DNAH7: variants seen among roughly 807,000 people sequenced by gnomAD.
DNAH7 encodes dynein axonemal heavy chain 7, also known as axonemal beta dynein heavy chain 7.
Under a neutral mutation model 444.6 loss-of-function variants are expected in DNAH7, and 397 were observed. The ratio of observed to expected loss-of-function variants is 0.89; its 90% CI spans 0.82 to 0.97. The LOEUF is 0.97. Among genes scored for constraint, DNAH7 ranks in the 50% least tolerant of loss-of-function variants. The pLI is 0.00. For missense variants in DNAH7, 4,902 were observed against 4,800.8 expected, an observed-to-expected ratio of 1.02 and a Z score of -0.62; for synonymous variants, 1,636 against 1,624.4, an observed-to-expected ratio of 1.01 and a Z score of -0.17.
chr2:195,979,156 T>A (rs934002102), intron 15 of DNAH7, among the ~76,000 whole-genome samples: 1 of 152,156 alleles, frequency 6.6e-6, no homozygotes, highest in Non-Finnish European at 1.5e-5. Context: ...TTTCATCCAA[T>A]GGCTGCAAAA....
intron 58 of DNAH7, among the ~76,000 whole-genome samples, chr2:195,780,059 G>A (rs1009213348): frequency 2.6e-5 from 4 of 152,208 alleles, no homozygotes; most frequent in African/African-American, 9.6e-5. Flanking sequence ...ATGCAATGGT[G>A]TTGATTTCTC....
chr2:195,998,350 G>A (rs540848747), intron 12 of DNAH7, among the ~76,000 whole-genome samples: 4 of 152,134 alleles, frequency 2.6e-5, no homozygotes, highest in Admixed American at 2.0e-4. Flanking sequence ...AGAGGTGGGC[G>A]GATCACGAGG....
chr2:196,053,234 G>A (rs186067077), intron 2 of DNAH7, among the ~76,000 whole-genome samples: 14 of 152,340 alleles, frequency 9.2e-5, no homozygotes, highest in Admixed American at 3.3e-4. Context: ...ACAAACTAGA[G>A]CTAGACAAGT....
intron 10 of DNAH7, among the ~76,000 whole-genome samples, chr2:196,002,911 GGAAAGA>G (rs1354041437): frequency 6.6e-6 from 1 of 151,976 alleles, no homozygotes; most frequent in African/African-American, 2.4e-5. Flanking sequence ...GGGAGGCTGA[GGAAAGA>G]GAATTGCTTG....
chr2:195,740,163 C>T (rs562939477), intron 64 of DNAH7, among the ~76,000 whole-genome samples: 27 of 152,068 alleles, frequency 1.8e-4, no homozygotes, highest in Non-Finnish European at 3.2e-4. Context: ...TTTGTATTTT[C>T]AGTAGAGACT....
At chr2:196,008,137 A>G (rs1694497941) in intron 10 of DNAH7, among the ~76,000 whole-genome samples, 1 of 152,100 alleles carries the variant, frequency 6.6e-6, no homozygotes, top group African/African-American at 2.4e-5. Flanking sequence ...TTGAATAGAC[A>G]TTTTCCAAAG....
At chr2:195,754,235 T>G in intron 63 of DNAH7, 102 bp downstream of exon 63, 1 of 1,243,274 alleles carries the variant, frequency 8.0e-7, no homozygotes, top group Non-Finnish European at 1.1e-6. Context: ...TAAATTACAT[T>G]CATGTTTATT....
intron 57 of DNAH7, among the ~76,000 whole-genome samples, chr2:195,788,787 G>C (rs1207394954): frequency 6.6e-6 from 1 of 152,122 alleles, no homozygotes; most frequent in Non-Finnish European, 1.5e-5. Flanking sequence ...TGAAATTGGA[G>C]GTATTAGTAT....
At position 195,755,602 on chromosome 2, in the gene DNAH7, C is replaced by A. The variant is rs1185993968; in HGVS notation, c.11586+531G>T. Among the ~76,000 whole-genome samples, 3 of 152,196 alleles carry A rather than the reference C, an allele frequency of 2.0e-5. No homozygotes were observed. In the East Asian group the frequency reaches 5.8e-4, roughly 29 times the overall value. On this transcript the variant is annotated intron_variant, in intron 62 of 64. Transcript: ENST00000312428. ...ATCCCTGCAGAAATTTCTTCATAGG[C>A]AGCTTTTGACACATTATATACAGAA...
chr2:196,052,803 T>C (rs1461697098), intron 2 of DNAH7, among the ~76,000 whole-genome samples: 2 of 152,168 alleles, frequency 1.3e-5, no homozygotes, highest in Non-Finnish European at 2.9e-5. Context: ...AGCAAAGAGC[T>C]TACTGAAGTC....
At chr2:195,776,286 A>C (rs1212479541) in intron 59 of DNAH7, among the ~76,000 whole-genome samples, 1 of 152,086 alleles carries the variant, frequency 6.6e-6, no homozygotes, top group Non-Finnish European at 1.5e-5. Flanking sequence ...TCTCCTAAAA[A>C]TACAAAATTA....
intron 63 of DNAH7, among the ~76,000 whole-genome samples, chr2:195,744,616 G>C (rs925215274): frequency 1.3e-5 from 2 of 152,200 alleles, no homozygotes; most frequent in African/African-American, 4.8e-5. Flanking sequence ...AGTAGGGGCA[G>C]ACTGACACCT....
chr2:195,954,515 T>A (rs1690500840), intron 19 of DNAH7, among the ~76,000 whole-genome samples: 1 of 152,258 alleles, frequency 6.6e-6, no homozygotes, highest in Admixed American at 6.5e-5. Context: ...TATAGCAGCA[T>A]GATTTATAAT....
chr2:195,805,133 CA>C (rs1696648643), intron 54 of DNAH7, among the ~76,000 whole-genome samples: 1 of 152,124 alleles, frequency 6.6e-6, no homozygotes, highest in Non-Finnish European at 1.5e-5. Flanking sequence ...CATGTATTTT[CA>C]GATTAAAGTG....
In DNAH7 at chr2:195,816,636, C is replaced by A; in HGVS notation, c.9753G>T (p.Leu3251Phe). 6.2e-7 allele frequency: 1 copy of A among 1,602,890 alleles called. No homozygotes were observed. The highest frequency in any genetic ancestry group is 1.1e-5 in the South Asian group (1 of 88,840). ...GTATTTCCTTTACATACCTTTTTGC[C>A]AAAATTTCTGATTTCTCTGAATTTT... Reference protein sequence around the residue: ...SIENSEKSEILAKRLQILKDH... With the variant: ...SIENSEKSEIFAKRLQILKDH... The change falls in exon 51 of 65, where the codon TTG becomes TTT. Residue 3251 changes from leucine to phenylalanine, a missense_variant. Leu to Phe is a conservative substitution (Grantham distance 22). Coordinates refer to ENST00000312428, the MANE Select transcript of DNAH7 (RefSeq NM_018897.3).
At chr2:195,884,885 T>C (rs1701621613) in intron 34 of DNAH7, 76 bp from the exon 35 acceptor site, 2 of 1,196,584 alleles carry the variant, frequency 1.7e-6, no homozygotes, top group African/African-American at 3.1e-5. Flanking sequence ...ACATATCAGA[T>C]CAGCCAGATT....
At chr2:195,976,784 A>AGAGAGAGAGAGG (rs1271382845) in intron 15 of DNAH7, among the ~76,000 whole-genome samples, 312 of 146,120 alleles carry the variant, frequency 2.1e-3, no homozygotes, top group Non-Finnish European at 3.7e-3. Flanking sequence ...AGAGAGAGAG[A>AGAGAGAGAGAGG]GAGACTCTCT....
At chr2:196,044,207 G>GTC (rs1404706307) in intron 5 of DNAH7, among the ~76,000 whole-genome samples, 1 of 150,572 alleles carries the variant, frequency 6.6e-6, no homozygotes, top group Non-Finnish European at 1.5e-5. Context: ...ATATATATGT[G>GTC]TGTGTGTGTG....
chr2:195,748,734 G>C (rs1479326429), intron 63 of DNAH7, among the ~76,000 whole-genome samples: 2 of 152,180 alleles, frequency 1.3e-5, no homozygotes, highest in Non-Finnish European at 2.9e-5. Flanking sequence ...AAGCAATGGG[G>C]AAAGGATTCC....
Sources: allele counts gnomAD v4.1 joint callset (sites outside exome capture counted in the v4.1 genomes callset), GRCh38; gene constraint gnomAD v4.1.1; transcripts MANE v1.5; gene names NCBI Gene and HGNC (gene_info 2026-07-23, HGNC 2026-07-21).